The following VEGFD variants were observed in gnomAD, a reference collection of about 807,000 sequenced individuals.
The protein encoded by VEGFD is c-fos induced growth factor (vascular endothelial growth factor D).
In VEGFD, 26 loss-of-function variants were observed where a neutral mutation model predicts 28.0. The observed-to-expected ratio is 0.93, with a 90% CI of 0.68 to 1.29. The LOEUF is 1.29. VEGFD is among the 50% of genes most tolerant of loss of function. VEGFD has a pLI of 0.00. For synonymous variants in VEGFD, 93 were observed against 95.5 expected, an observed-to-expected ratio of 0.97 and a Z score of 0.15; for missense variants, 294 against 273.4, an observed-to-expected ratio of 1.08 and a Z score of -0.53.
At position 15,363,264 on chromosome X, in the gene VEGFD, C is replaced by T. The variant is rs1923063385; in HGVS notation, c.146G>A (p.Ser49Asn). The T allele has an allele frequency of 8.3e-7, 1 of 1,211,648 alleles. No homozygotes were observed. Among genetic ancestry groups the T allele is most frequent in the Non-Finnish European group, 1.1e-6 (1 of 895,450 alleles). The change falls in exon 2 of 7, where the codon AGT becomes AAT. Residue 49 changes from serine (S) to asparagine (N), a missense_variant. Transcript: ENST00000297904. ...AGTAATTCGAAGTAGTTCCTCCAAACTAGAAGCAGCCCTGATCTGCTGTTC... is the reference window on the plus strand; with the variant it reads ...AGTAATTCGAAGTAGTTCCTCCAAATTAGAAGCAGCCCTGATCTGCTGTTC... Reference protein sequence around the residue: ...RSEQQIRAASSLEELLRITHS... With the variant: ...RSEQQIRAASNLEELLRITHS...
chrX:15,383,452 C>T (rs192512326), intron 1 of VEGFD, among the ~76,000 whole-genome samples: 19 of 112,263 alleles, frequency 1.7e-4, no homozygotes, highest in Admixed American at 3.8e-4. Flanking sequence ...ATTTACCAAA[C>T]GAATAAACTA....
chrX:15,372,742 A>G (rs1341194454), intron 1 of VEGFD, among the ~76,000 whole-genome samples: 1 of 112,132 alleles, frequency 8.9e-6, no homozygotes, highest in African/African-American at 3.2e-5. Context: ...AACTTCATAC[A>G]AGTCCACTAG....
At chrX:15,372,655 T>C (rs1442498339) in intron 1 of VEGFD, among the ~76,000 whole-genome samples, 1 of 111,444 alleles carries the variant, frequency 9.0e-6, no homozygotes, top group African/African-American at 3.3e-5. Flanking sequence ...ATAGGAACTC[T>C]CTATATTGTC....
Position 15,358,224 on chromosome X carries a change from A to G in VEGFD, c.302-31T>C, listed in dbSNP as rs377744343. The G allele has an allele frequency of 5.6e-5, 65 of 1,157,439 alleles. No homozygotes were observed. In the South Asian group the frequency reaches 1.3e-3, roughly 23 times the overall value. On this transcript the variant is annotated intron_variant, in intron 2 of 6. Transcript: ENST00000297904. ...GAGAGAAAGAAAGCTCACTGGGGCT[A>G]GCAGGTGGAATGGTCCTGGTGTGCC...
At chrX:15,362,515 C>T (rs1241378024) in intron 2 of VEGFD, among the ~76,000 whole-genome samples, 1 of 111,179 alleles carries the variant, frequency 9.0e-6, no homozygotes, top group Non-Finnish European at 1.9e-5. Context: ...CTCCTGGGCT[C>T]AGCCGATCCT....
rs6629039 is a variant in VEGFD, at chrX:15,368,107, G to A, written c.91-4788C>T. 6.3e-3 allele frequency among the ~76,000 whole-genome samples: 522 copies of A among 82,422 alleles called. 4 individuals carry two copies. Among genetic ancestry groups the A allele is most frequent in the African/African-American group, 0.018 (366 of 20,625 alleles). 71.6% of individuals were successfully genotyped at this position (82,422 alleles called of 115,157 possible). A position where few individuals can be genotyped will look rare whatever the true frequency, so the allele number is the denominator to read the frequency against. On this transcript the variant is annotated intron_variant, in intron 1 of 6. Transcript: ENST00000297904. Reference sequence around the variant, plus strand: ...GAAAAGAAAGAAAGAAAGAAAAGAAGGAAAGAAAGAAAGGAGAGAAAGAGA... The same window carrying A: ...GAAAAGAAAGAAAGAAAGAAAAGAAAGAAAGAAAGAAAGGAGAGAAAGAGA...
At chrX:15,356,087 C>T (rs1048434085) in intron 3 of VEGFD, among the ~76,000 whole-genome samples, 8 of 112,220 alleles carry the variant, frequency 7.1e-5, no homozygotes, top group Admixed American at 3.8e-4. Flanking sequence ...CTACGCTTTC[C>T]GTAGGCCAGG....
At chrX:15,351,881 A>G (rs764925152) in intron 5 of VEGFD, among the ~76,000 whole-genome samples, 17 of 112,783 alleles carry the variant, frequency 1.5e-4, no homozygotes, top group Non-Finnish European at 3.0e-4. Context: ...TTAATGTAAA[A>G]TGTGAGTTAC....
At chrX:15,372,107 G>T (rs57101375) in intron 1 of VEGFD, among the ~76,000 whole-genome samples, 18,634 of 111,170 alleles carry the variant, frequency 0.17, 1,389 homozygotes, top group East Asian at 0.38. Flanking sequence ...GGACAAAAAG[G>T]CAGGCTTCAT....
intron 1 of VEGFD, among the ~76,000 whole-genome samples, chrX:15,376,574 C>T (rs1923443439): frequency 8.9e-6 from 1 of 112,043 alleles, no homozygotes; most frequent in African/African-American, 3.2e-5. Context: ...TTCTACAAAG[C>T]AGCCTTGCTA....
chrX:15,372,035 C>T (rs1923322615), intron 1 of VEGFD, among the ~76,000 whole-genome samples: 2 of 111,734 alleles, frequency 1.8e-5, no homozygotes, highest in African/African-American at 6.5e-5. Flanking sequence ...GAGAATTCAA[C>T]AATTAACTGT....
chrX:15,347,269 G>T lies in VEGFD; in HGVS notation c.833C>A (p.Pro278His), dbSNP rs147950971. 17 of 1,209,365 alleles carry T rather than the reference G, an allele frequency of 1.4e-5. No individual in the cohort carries two copies. The highest frequency in any genetic ancestry group is 1.8e-5 in the Non-Finnish European group (16 of 894,772). The change falls in exon 6 of 7, where the codon CCC becomes CAC. Residue 278 changes from proline (P) to histidine (H), a missense_variant. Pro to His is a moderately conservative substitution (Grantham distance 77, BLOSUM62 -2). Coordinates refer to ENST00000297904, the MANE Select transcript of VEGFD (RefSeq NM_004469.5). The part of the protein sequence containing the change: ...RCECVCKTPC[P>H]KDLIQHPKNC... ...TTTGGGGTGCTGGATTAGATCTTTG[G>T]GACATGGTGTTTTACAGACACACTC...
At chrX:15,355,612 AG>A (rs1007315337) in intron 3 of VEGFD, among the ~76,000 whole-genome samples, 1 of 112,432 alleles carries the variant, frequency 8.9e-6, no homozygotes, top group Non-Finnish European at 1.9e-5. Context: ...TTATTAGAAT[AG>A]ATTATTATTC....
At position 15,346,221 on chromosome X, in the gene VEGFD, G is replaced by T. The variant is rs1326243867; in HGVS notation, c.977C>A (p.Ala326Glu). The T allele has an allele frequency of 4.1e-6, 5 of 1,210,378 alleles. No individual in the cohort carries two copies. Among genetic ancestry groups the T allele is most frequent in the Non-Finnish European group, 5.6e-6 (5 of 894,309 alleles). Residue 326 changes from alanine to glutamate, a missense_variant, in exon 7 of 7, where the codon GCA becomes GAA. Transcript: ENST00000297904. ...DRCPFHTRPC[A>E]SGKTACAKHC... The stretch of plus-strand genomic sequence containing the variant: ...CTTTGCACATGCTGTTTTGCCACTT[G>T]CACATGGTCTGGTATGAAAGGGGCA...
At chrX:15,360,867 C>T (rs1427330659) in intron 2 of VEGFD, among the ~76,000 whole-genome samples, 3 of 112,027 alleles carry the variant, frequency 2.7e-5, no homozygotes. Context: ...TTTTATAAAA[C>T]TAAGTTTTGA....
At chrX:15,375,741 G>A (rs1923423628) in intron 1 of VEGFD, among the ~76,000 whole-genome samples, 1 of 111,964 alleles carries the variant, frequency 8.9e-6, no homozygotes, top group Admixed American at 9.5e-5. Context: ...ATTTGTGTGA[G>A]TGTGTGTGCA....
intron 5 of VEGFD, among the ~76,000 whole-genome samples, chrX:15,351,201 C>T (rs1357233656): frequency 6.4e-5 from 6 of 93,744 alleles, no homozygotes; most frequent in Admixed American, 1.2e-4. Context: ...CTGCAAGCTC[C>T]GCCTCCCGGG....
At chrX:15,351,146 C>T (rs866149076) in intron 5 of VEGFD, among the ~76,000 whole-genome samples, 2 of 89,303 alleles carry the variant, frequency 2.2e-5, no homozygotes, top group East Asian at 3.5e-4. Context: ...GACGGAGTCT[C>T]GCTCTGTTGC....
At chrX:15,379,263 C>G (rs1167440062) in intron 1 of VEGFD, among the ~76,000 whole-genome samples, 2 of 111,881 alleles carry the variant, frequency 1.8e-5, no homozygotes, top group Non-Finnish European at 3.8e-5. Context: ...GCATTCCCAG[C>G]CCCTAGACTT....
Sources: gnomAD v4.1 joint callset for allele counts (sites outside exome capture counted in the v4.1 genomes callset) on GRCh38, gnomAD v4.1.1 for gene constraint, MANE v1.5 for transcripts, NCBI Gene and HGNC (gene_info 2026-07-23, HGNC 2026-07-21) for gene names.